DECR1: variants seen among roughly 807,000 people sequenced by gnomAD.
DECR1 encodes 2,4-dienoyl-CoA reductase [(3E)-enoyl-CoA-producing], mitochondrial.
DECR1 carries 44 observed loss-of-function variants against 38.8 expected under a neutral mutation model. The ratio of observed to expected loss-of-function variants is 1.13; its 90% CI spans 0.89 to 1.46. The LOEUF is 1.46. DECR1 is among the 40% of genes most tolerant of loss of function. The pLI is 0.00. For missense variants in DECR1, 428 were observed against 405.5 expected, an observed-to-expected ratio of 1.06 and a Z score of -0.48; for synonymous variants, 148 against 135.2, an observed-to-expected ratio of 1.09 and a Z score of -0.66.
chr8:90,018,844 CTG>C, intron 2 of DECR1, 63 bp from the exon 3 acceptor site: 1 of 1,154,490 alleles, frequency 8.7e-7, no homozygotes, highest in Non-Finnish European at 1.3e-6. Flanking sequence ...TATGGATTCT[CTG>C]TATTCTTCAA....
In DECR1 at chr8:90,021,055, A is replaced by G; in HGVS notation, c.564A>G (p.Lys188=). 1 of 1,572,048 alleles carries G rather than the reference A, an allele frequency of 6.4e-7. No homozygotes were observed. The highest frequency in any genetic ancestry group is 8.6e-7 in the Non-Finnish European group (1 of 1,165,110). The part of the protein sequence containing the change: ...EIGKQLIKAQ[K]GAAFLSITTI... ...GAAAACAACTAATTAAAGCACAGAA[A>G]GGTATGTTTATTTGCTTTTCTCATA... The change falls in exon 5 of 10, where the codon AAA becomes AAG. Residue 188 remains lysine (K), a splice_region_variant and synonymous_variant. Transcript: ENST00000220764.
chr8:90,016,722 A>T (rs1351600835), intron 1 of DECR1: 1 of 159,400 alleles, frequency 6.3e-6, no homozygotes, highest in Admixed American at 6.4e-5. Context: ...AAACACCTGC[A>T]GCTAATAATG....
intron 1 of DECR1, among the ~76,000 whole-genome samples, chr8:90,008,456 T>G (rs1231353066): frequency 6.6e-6 from 1 of 152,242 alleles, no homozygotes; most frequent in Non-Finnish European, 1.5e-5. Flanking sequence ...CATTTAAATC[T>G]TAATTTTTCT....
intron 1 of DECR1, among the ~76,000 whole-genome samples, chr8:90,006,619 G>A (rs1812747463): frequency 6.6e-6 from 1 of 152,204 alleles, no homozygotes; most frequent in South Asian, 2.1e-4. Flanking sequence ...TCAAAGTTGA[G>A]TGATATTTAG....
At chr8:90,018,807 C>A in intron 2 of DECR1, 102 bp from the exon 3 acceptor site, 1 of 932,128 alleles carries the variant, frequency 1.1e-6, no homozygotes. Flanking sequence ...AACATCTATA[C>A]TTTCTCAGAA....
intron 1 of DECR1, among the ~76,000 whole-genome samples, chr8:90,004,055 A>G (rs998063047): frequency 1.3e-5 from 2 of 151,978 alleles, no homozygotes; most frequent in South Asian, 2.1e-4. Flanking sequence ...TTTTTGATTC[A>G]TTCTTTGATT....
intron 2 of DECR1, 181 bp from the exon 3 acceptor site, chr8:90,018,728 T>C (rs1192034576): frequency 1.8e-6 from 1 of 554,280 alleles, no homozygotes; most frequent in Non-Finnish European, 3.2e-6. Context: ...AATAAGTTAG[T>C]ATCAAATATA....
intron 5 of DECR1, among the ~76,000 whole-genome samples, 158 bp from the exon 6 acceptor site, chr8:90,036,683 G>A (rs1241352032): frequency 1.3e-5 from 2 of 152,086 alleles, no homozygotes; most frequent in African/African-American, 4.8e-5. Context: ...ATTTTCTTAG[G>A]TTACTCTCTC....
At position 90,052,244 on chromosome 8, in the gene DECR1, C is replaced by T. The variant is rs570659095; in HGVS notation, c.*347C>T. Among the ~76,000 whole-genome samples the T allele has an allele frequency of 1.3e-5, 2 of 152,082 alleles. No individual in the cohort carries two copies. The highest frequency in any genetic ancestry group is 3.9e-4 in the East Asian group (2 of 5,172). On this transcript the variant is annotated 3_prime_UTR_variant, in exon 10 of 10. Coordinates refer to ENST00000220764, the MANE Select transcript of DECR1 (RefSeq NM_001359.2). ...AATGGTGGCGGTAGCATTTGAGTTA[C>T]ATAATATACTATACCTATATTAATA...
intron 1 of DECR1, among the ~76,000 whole-genome samples, chr8:90,009,649 A>G (rs2130011607): frequency 6.6e-6 from 1 of 152,340 alleles, no homozygotes; most frequent in African/African-American, 2.4e-5. Context: ...TTTTTATGTA[A>G]GCAAATTCCC....
chr8:90,045,485 G>A (rs1461174737), intron 8 of DECR1, among the ~76,000 whole-genome samples: 1 of 152,218 alleles, frequency 6.6e-6, no homozygotes, highest in African/African-American at 2.4e-5. Flanking sequence ...TGGGGGAGGG[G>A]TGTCCGCCAG....
At chr8:90,008,685 A>G (rs1188414631) in intron 1 of DECR1, among the ~76,000 whole-genome samples, 1 of 152,240 alleles carries the variant, frequency 6.6e-6, no homozygotes, top group Non-Finnish European at 1.5e-5. Context: ...TATCTTAAAT[A>G]TCCTGACTTG....
chr8:90,048,220 C>G (rs1413199939), intron 8 of DECR1, among the ~76,000 whole-genome samples: 1 of 151,864 alleles, frequency 6.6e-6, no homozygotes, highest in South Asian at 2.1e-4. Context: ...CACAAAAAAC[C>G]CTTCAAAAAA....
chr8:90,001,688 G>C, intron 1 of DECR1, 127 bp downstream of exon 1: 1 of 840,092 alleles, frequency 1.2e-6, no homozygotes, highest in Non-Finnish European at 1.8e-6. Context: ...AGAGGACAGG[G>C]CGTCCCGGGG....
intron 4 of DECR1, 60 bp from the exon 5 acceptor site, chr8:90,020,849 T>C (rs1586145804): frequency 7.2e-7 from 1 of 1,387,540 alleles, no homozygotes; most frequent in East Asian, 2.6e-5. Flanking sequence ...AAAAAAACCC[T>C]GCAGGGAAAA....
chr8:90,028,616 A>T (rs1473485583), intron 5 of DECR1, among the ~76,000 whole-genome samples: 1 of 152,086 alleles, frequency 6.6e-6, no homozygotes, highest in Admixed American at 6.6e-5. Flanking sequence ...GAACAAGCAA[A>T]ATGTGAAATA....
chr8:90,028,846 T>C lies in DECR1; in HGVS notation c.565+7790T>C, dbSNP rs553197840. Among the ~76,000 whole-genome samples the C allele has an allele frequency of 2.1e-3, 315 of 152,210 alleles. 2 individuals are homozygous for C. The highest frequency in any genetic ancestry group is 7.3e-3 in the African/African-American group (305 of 41,538). On this transcript the variant is annotated intron_variant, in intron 5 of 9. Coordinates refer to ENST00000220764, the MANE Select transcript of DECR1 (RefSeq NM_001359.2). ...TTCTAAGTGCTAAATACTTATTAAC[T>C]CATTTAACACTTGCAATGACCTTGC...
At chr8:90,017,687 G>A (rs549735094) in intron 2 of DECR1, among the ~76,000 whole-genome samples, 57 of 152,166 alleles carry the variant, frequency 3.7e-4, no homozygotes, top group Non-Finnish European at 7.1e-4. Flanking sequence ...CTACTGGGAA[G>A]CTGAGGCAGG....
intron 1 of DECR1, chr8:90,015,778 CAG>C: frequency 2.7e-6 from 1 of 376,126 alleles, no homozygotes; most frequent in Admixed American, 2.9e-5. Context: ...AGAGAATAGA[CAG>C]AGGAATATGC....
Sources: gnomAD v4.1 joint callset for allele counts (sites outside exome capture counted in the v4.1 genomes callset) on GRCh38, gnomAD v4.1.1 for gene constraint, MANE v1.5 for transcripts, NCBI Gene and HGNC (gene_info 2026-07-23, HGNC 2026-07-21) for gene names.